CNTN1: variants seen among roughly 807,000 people sequenced by gnomAD.
CNTN1 encodes contactin-1.
CNTN1 carries 38 observed loss-of-function variants against 126.4 expected under a neutral mutation model. The observed-to-expected ratio is 0.30, with a 90% confidence interval of 0.23 to 0.39. The LOEUF is 0.39. Ranked by LOEUF, CNTN1 falls within the 10% of genes least tolerant of loss-of-function variation. The probability of loss-of-function intolerance (pLI) is 1.00; values close to 1 mark genes in which losing one functional copy is unlikely to be tolerated. For synonymous variants in CNTN1, 413 were observed against 422.6 expected, an observed-to-expected ratio of 0.98 and a Z score of 0.28; for missense variants, 1,009 against 1,248.4, an observed-to-expected ratio of 0.81 and a Z score of 2.89.
At chr12:40,721,668 A>T in intron 1 of CNTN1, among the ~76,000 whole-genome samples, 3 of 143,894 alleles carry the variant, frequency 2.1e-5, no homozygotes, top group African/African-American at 7.7e-5. Context: ...GTCATTTAGC[A>T]TTAGGTATAT....
intron 1 of CNTN1, among the ~76,000 whole-genome samples, chr12:40,790,706 C>CATCTCCTG (rs1283760077): frequency 7.9e-5 from 12 of 152,112 alleles, no homozygotes; most frequent in African/African-American, 2.9e-4. Context: ...TTTCTGTCCA[C>CATCTCCTG]ATCTCCTGTC....
intron 1 of CNTN1, among the ~76,000 whole-genome samples, chr12:40,761,742 G>T (rs893639527): frequency 6.6e-6 from 1 of 152,004 alleles, no homozygotes; most frequent in Non-Finnish European, 1.5e-5. Context: ...GGATTTTGGG[G>T]ACTGTTTGTG....
chr12:40,921,938 A>G (rs1565952217), intron 4 of CNTN1, among the ~76,000 whole-genome samples: 1 of 152,230 alleles, frequency 6.6e-6, no homozygotes, highest in South Asian at 2.1e-4. Context: ...TGGTGCATAG[A>G]TGGCTATCAA....
chr12:40,775,820 C>G (rs1939555135), intron 1 of CNTN1, among the ~76,000 whole-genome samples: 1 of 151,562 alleles, frequency 6.6e-6, no homozygotes, highest in African/African-American at 2.4e-5. Context: ...ATGCTAGAAA[C>G]ATTGCGGGGT....
intron 23 of CNTN1, among the ~76,000 whole-genome samples, chr12:41,032,330 T>G (rs1949161138): frequency 1.4e-5 from 2 of 142,958 alleles, no homozygotes; most frequent in Non-Finnish European, 3.0e-5. Flanking sequence ...ATCGCGCCAC[T>G]GCACTCCAGC....
At position 41,067,767 on chromosome 12, in the gene CNTN1, A is replaced by T. The variant is rs541856350; in HGVS notation, c.2981-2192A>T. Among the ~76,000 whole-genome samples, 186 of 89,152 alleles carry T rather than the reference A, an allele frequency of 2.1e-3. 2 individuals carry two copies. In the East Asian group the frequency reaches 0.027, roughly 13 times the overall value. 58.5% of individuals were successfully genotyped at this position (89,152 alleles called of 152,430 possible). A position where few individuals can be genotyped will look rare whatever the true frequency, so the allele number is the denominator to read the frequency against. Reference sequence around the variant, plus strand: ...TGTACCCTAAAACTTAAAGTATAATAAAAAAAAAAAGGCTTCAGGATGGAT... The same window carrying T: ...TGTACCCTAAAACTTAAAGTATAATTAAAAAAAAAAGGCTTCAGGATGGAT... On this transcript the variant is annotated intron_variant, in intron 23 of 23. Coordinates refer to ENST00000551295, the MANE Select transcript of CNTN1 (RefSeq NM_001843.4).
intron 1 of CNTN1, among the ~76,000 whole-genome samples, chr12:40,808,810 TA>T (rs1940952836): frequency 6.6e-6 from 1 of 152,142 alleles, no homozygotes; most frequent in South Asian, 2.1e-4. Context: ...GGTTAGCCAA[TA>T]AAAACAAACG....
intron 16 of CNTN1, among the ~76,000 whole-genome samples, chr12:40,988,987 A>G (rs1948035726): frequency 6.6e-6 from 1 of 152,200 alleles, no homozygotes; most frequent in Non-Finnish European, 1.5e-5. Flanking sequence ...TGCCTCCATT[A>G]TGCAAAGTAC....
At chr12:41,008,170 T>C (rs142723620) in intron 17 of CNTN1, among the ~76,000 whole-genome samples, 1 of 152,274 alleles carries the variant, frequency 6.6e-6, no homozygotes, top group African/African-American at 2.4e-5. Context: ...AAGAAAGGCA[T>C]GTCCATGTAT....
rs140082804 is a variant in CNTN1, at chr12:41,006,185, C to A, written c.2114-8043C>A. 5.3e-5 allele frequency among the ~76,000 whole-genome samples: 8 copies of A among 152,288 alleles called. No homozygotes were observed. The East Asian group carries it at 1.5e-3, about 29-fold the overall frequency. ...CTTCTGCAAGATTTTATGGGGCCAA[C>A]ATTCACCTCCCAATTCCTGGACTGC... is the stretch of plus-strand genomic sequence containing the variant. On this transcript the variant is annotated intron_variant, in intron 17 of 23. Coordinates refer to ENST00000551295, the MANE Select transcript of CNTN1 (RefSeq NM_001843.4).
intron 1 of CNTN1, among the ~76,000 whole-genome samples, chr12:40,848,247 G>A (rs1285187657): frequency 1.3e-5 from 2 of 152,142 alleles, no homozygotes; most frequent in Non-Finnish European, 2.9e-5. Flanking sequence ...TATAAAGAAC[G>A]CATCTGATAC....
chr12:40,738,987 C>T (rs1378136946), intron 1 of CNTN1, among the ~76,000 whole-genome samples: 1 of 151,964 alleles, frequency 6.6e-6, no homozygotes, highest in African/African-American at 2.4e-5. Context: ...TGGAGAAGAA[C>T]AGTGGTTCTT....
intron 1 of CNTN1, among the ~76,000 whole-genome samples, chr12:40,894,462 T>C (rs920959547): frequency 2.0e-5 from 3 of 152,168 alleles, no homozygotes; most frequent in Non-Finnish European, 4.4e-5. Context: ...AAAATGTTAA[T>C]GGAGAAACTA....
chr12:40,914,487 C>T (rs1422676070), intron 3 of CNTN1, among the ~76,000 whole-genome samples: 1 of 152,004 alleles, frequency 6.6e-6, no homozygotes, highest in African/African-American at 2.4e-5. Context: ...TCTAAACCGT[C>T]AAACAAAATA....
chr12:40,933,363 A>G (rs1945963698), intron 7 of CNTN1, 98 bp from the exon 8 acceptor site: 1 of 867,980 alleles, frequency 1.2e-6, no homozygotes, highest in African/African-American at 1.7e-5. Context: ...AAAAGCTTCC[A>G]TGTTGGAGCA....
At chr12:40,734,373 G>T (rs2121276637) in intron 1 of CNTN1, among the ~76,000 whole-genome samples, 1 of 152,172 alleles carries the variant, frequency 6.6e-6, no homozygotes, top group East Asian at 1.9e-4. Flanking sequence ...TAATGGTAAG[G>T]GTTAAGTGGT....
rs952775464 is a variant in CNTN1 at position 41,016,499 on chromosome 12, T to C, written c.2185-183T>C. ...TTCTAGGAGTAGTGAGGCTACAATT[T>C]GGTAAATAAGATCATCCCATGTTTA... On this transcript the variant is annotated intron_variant, in intron 18 of 23. Coordinates refer to ENST00000551295, the MANE Select transcript of CNTN1 (RefSeq NM_001843.4). 7.2e-5 allele frequency among the ~76,000 whole-genome samples: 11 copies of C among 152,280 alleles called. No individual in the cohort carries two copies. The Middle Eastern group carries it at 0.01, about 141-fold the overall frequency.
intron 1 of CNTN1, among the ~76,000 whole-genome samples, chr12:40,780,376 A>C (rs890167135): frequency 6.6e-6 from 1 of 151,898 alleles, no homozygotes; most frequent in Non-Finnish European, 1.5e-5. Context: ...CTAGGAATTC[A>C]AAATATTCGA....
At chr12:40,703,079 A>G (rs768651979) in intron 1 of CNTN1, among the ~76,000 whole-genome samples, 19 of 152,112 alleles carry the variant, frequency 1.2e-4, no homozygotes, top group Non-Finnish European at 2.6e-4. Context: ...TATAGTATAA[A>G]TTACTATGGT....
Sources: gnomAD v4.1 joint callset for allele counts (sites outside exome capture counted in the v4.1 genomes callset) on GRCh38, gnomAD v4.1.1 for gene constraint, MANE v1.5 for transcripts, NCBI Gene and HGNC (gene_info 2026-07-23, HGNC 2026-07-21) for gene names.